CNPY1: variants seen among roughly 807,000 people sequenced by gnomAD.
CNPY1 encodes the protein protein canopy homolog 1.
CNPY1 carries 14 observed loss-of-function variants against 14.4 expected under a neutral mutation model. That is an observed-to-expected ratio of 0.97 (90% CI 0.64 to 1.52). The LOEUF (loss-of-function observed/expected upper bound fraction) is 1.52. Among genes scored for constraint, CNPY1 ranks in the 40% most tolerant of loss-of-function variants. CNPY1 has a pLI of 0.00. For missense variants in CNPY1, 129 were observed against 131.5 expected (o/e 0.98, Z 0.09); for synonymous variants, 43 against 46.5 (o/e 0.92, Z 0.31).
At chr7:155,510,842 ATAAT>A (rs1796515126) in intron 2 of CNPY1, among the ~76,000 whole-genome samples, 2 of 152,370 alleles carry the variant, frequency 1.3e-5, no homozygotes, top group South Asian at 4.1e-4. Flanking sequence ...ACAGAAACAA[ATAAT>A]TAAACACGTA....
intron 2 of CNPY1, among the ~76,000 whole-genome samples, chr7:155,535,185 C>T (rs1261372046): frequency 4.6e-5 from 7 of 152,240 alleles, no homozygotes; most frequent in Non-Finnish European, 1.0e-4. Context: ...GGGCTCCTGC[C>T]TTTGCCTGGT....
intron 2 of CNPY1, among the ~76,000 whole-genome samples, chr7:155,539,133 G>A (rs1272978884): frequency 6.7e-6 from 1 of 150,200 alleles, no homozygotes; most frequent in Non-Finnish European, 1.5e-5. Flanking sequence ...GCTGTAATAT[G>A]AGGATTCAGA....
chr7:155,525,029 A>ACTACC (rs1299439383), intron 2 of CNPY1, among the ~76,000 whole-genome samples: 4 of 152,240 alleles, frequency 2.6e-5, no homozygotes, highest in African/African-American at 7.2e-5. Flanking sequence ...CACCTGGTGA[A>ACTACC]CTACCCCTAA....
At chr7:155,533,708 GATTAAGGCGA>G (rs1308807980) in intron 2 of CNPY1, 1 of 152,218 alleles carries the variant, frequency 6.6e-6, no homozygotes, top group Non-Finnish European at 1.5e-5. Flanking sequence ...ATAGCTATGG[GATTAAGGCGA>G]ATTTCTTACG....
intron 2 of CNPY1, among the ~76,000 whole-genome samples, chr7:155,531,391 G>A (rs1563094916): frequency 1.3e-5 from 2 of 152,242 alleles, no homozygotes; most frequent in Non-Finnish European, 2.9e-5. Context: ...TAAATAACAT[G>A]TAGGTAATTA....
intron 2 of CNPY1, among the ~76,000 whole-genome samples, chr7:155,511,375 A>G (rs1384674053): frequency 1.3e-5 from 2 of 152,224 alleles, no homozygotes; most frequent in Non-Finnish European, 2.9e-5. Flanking sequence ...TGCTGAGCAT[A>G]TAAGTTTTGA....
chr7:155,508,754 G>T, intron 3 of CNPY1, 140 bp downstream of exon 3: 1 of 936,574 alleles, frequency 1.1e-6, no homozygotes, highest in African/African-American at 1.7e-5. Flanking sequence ...AGACAACAAA[G>T]TCAGCAGATG....
chr7:155,532,208 G>A (rs910869541), intron 2 of CNPY1, among the ~76,000 whole-genome samples: 3 of 152,210 alleles, frequency 2.0e-5, no homozygotes, highest in African/African-American at 7.2e-5. Context: ...AGCTAGCTTC[G>A]TGGGTTCTGC....
intron 2 of CNPY1, among the ~76,000 whole-genome samples, chr7:155,545,320 C>A (rs1404747057): frequency 2.6e-5 from 4 of 152,234 alleles, no homozygotes; most frequent in Non-Finnish European, 5.9e-5. Context: ...GCGCCCCACT[C>A]ACTGCCTCTG....
Position 155,536,782 on chromosome 7 carries a change from GT to G in CNPY1, c.99+9048del, listed in dbSNP as rs1797029798. On this transcript the variant is annotated intron_variant, in intron 2 of 4. Transcript: ENST00000636446. The surrounding 1 kb of genome is among the most constrained non-coding windows in gnomAD (Gnocchi z 4.1). ...CACTAGACTACGACATGAGCAAGAAGTCAACTCTCAACGCTCGTGGTGATCC... is the reference window on the plus strand; with the variant it reads ...CACTAGACTACGACATGAGCAAGAAGCAACTCTCAACGCTCGTGGTGATCC... Among the ~76,000 whole-genome samples, 1 of 152,046 alleles carries G rather than the reference GT, an allele frequency of 6.6e-6. No individual in the cohort carries two copies. Among genetic ancestry groups the G allele is most frequent in the Admixed American group, 6.6e-5 (1 of 15,266 alleles).
At chr7:155,522,216 G>A (rs1249201403) in intron 2 of CNPY1, among the ~76,000 whole-genome samples, 8 of 152,266 alleles carry the variant, frequency 5.3e-5, no homozygotes, top group African/African-American at 2.4e-5. Context: ...ACATATAGAG[G>A]TGCAGTCTTC....
At chr7:155,530,090 A>G (rs1265086226) in intron 2 of CNPY1, among the ~76,000 whole-genome samples, 1 of 151,908 alleles carries the variant, frequency 6.6e-6, no homozygotes, top group African/African-American at 2.4e-5. Flanking sequence ...CCCACACTTC[A>G]AGTTTCTGAG....
At chr7:155,521,660 G>T (rs919556016) in intron 2 of CNPY1, among the ~76,000 whole-genome samples, 2 of 152,228 alleles carry the variant, frequency 1.3e-5, no homozygotes, top group South Asian at 2.1e-4. Flanking sequence ...TTGAAAAAAG[G>T]TCAAAAGAAT....
chr7:155,544,155 C>A (rs1797132803), intron 2 of CNPY1, among the ~76,000 whole-genome samples: 1 of 152,152 alleles, frequency 6.6e-6, no homozygotes, highest in Non-Finnish European at 1.5e-5. Flanking sequence ...GTGGAAGGTA[C>A]AAGGTGCTGC....
chr7:155,544,208 C>A (rs747346503), intron 2 of CNPY1, among the ~76,000 whole-genome samples: 1 of 152,220 alleles, frequency 6.6e-6, no homozygotes, highest in Admixed American at 6.5e-5. Context: ...GTGGGAGCTG[C>A]GGCCACTTGG....
intron 2 of CNPY1, among the ~76,000 whole-genome samples, chr7:155,514,323 A>C (rs984812329): frequency 3.9e-5 from 6 of 152,252 alleles, no homozygotes; most frequent in Non-Finnish European, 7.3e-5. Context: ...GTGGAAGTCC[A>C]ATAAACATGA....
intron 2 of CNPY1, among the ~76,000 whole-genome samples, chr7:155,544,580 A>T (rs1379512262): frequency 1.3e-5 from 2 of 152,128 alleles, no homozygotes; most frequent in Non-Finnish European, 2.9e-5. Flanking sequence ...AGGCACTCAC[A>T]TCTTCCCTGG....
At position 155,509,017 on chromosome 7, in the gene CNPY1, C is replaced by T. The variant is rs1271113331; in HGVS notation, c.180G>A (p.Glu60=). 6 of 1,613,640 alleles carry T rather than the reference C, an allele frequency of 3.7e-6. No homozygotes were observed. The Admixed American group carries it at 8.3e-5, about 22-fold the overall frequency. ...VCERMNDYKL[E]EDPVTKERTF... ...TTCTCTCCTTCGTCACAGGGTCTTC[C>T]TCAAGCTTGTAGTCGTTCATTCGCT... Residue 60 remains glutamate (E), a synonymous_variant, in exon 3 of 5, where the codon GAG becomes GAA. Transcript: ENST00000636446.
At chr7:155,514,929 A>G (rs532968827) in intron 2 of CNPY1, among the ~76,000 whole-genome samples, 1 of 152,306 alleles carries the variant, frequency 6.6e-6, no homozygotes, top group East Asian at 1.9e-4. Context: ...AATAAAATAA[A>G]AAATGTTAGA....
Sources: allele counts gnomAD v4.1 joint callset (sites outside exome capture counted in the v4.1 genomes callset), GRCh38; gene constraint gnomAD v4.1.1; non-coding constraint Gnocchi (gnomAD v3.1); transcripts MANE v1.5; gene names NCBI Gene and HGNC (gene_info 2026-07-23, HGNC 2026-07-21).